Variants in SPON1 observed in about 807,000 individuals in gnomAD.
SPON1 encodes the protein spondin-1.
A neutral mutation model predicts 111.7 loss-of-function variants in SPON1; 52 were observed. That is an observed-to-expected ratio of 0.47 (90% CI 0.37 to 0.59). SPON1 has a LOEUF of 0.59. Ranked by LOEUF, SPON1 falls within the 20% of genes least tolerant of loss-of-function variation. The pLI is 0.00. For missense variants in SPON1, 957 were observed against 1,068.5 expected (o/e 0.90, Z 1.46); for synonymous variants, 410 against 395.8 (o/e 1.04, Z -0.43).
chr11:14,161,221 A>ATATATTTATATATTTATATATATC (rs1564920154), intron 6 of SPON1, among the ~76,000 whole-genome samples: 1 of 75,714 alleles, frequency 1.3e-5, no homozygotes, highest in African/African-American at 5.1e-5. Flanking sequence ...ATATATATCT[A>ATATATTTATATATTTATATATATC]TATATATTTA....
intron 5 of SPON1, among the ~76,000 whole-genome samples, chr11:14,115,991 A>C (rs1849264106): frequency 6.6e-6 from 1 of 152,086 alleles, no homozygotes; most frequent in African/African-American, 2.4e-5. Context: ...TTTGATTTGT[A>C]CTTTTTTGAA....
At chr11:14,255,584 AT>A in intron 8 of SPON1, 62 bp from the exon 9 acceptor site, 1 of 1,536,766 alleles carries the variant, frequency 6.5e-7, no homozygotes, top group Non-Finnish European at 8.9e-7. Context: ...CATATAACAA[AT>A]GGCTTTTGTG....
At chr11:13,968,348 ATCT>A (rs1401645600) in intron 1 of SPON1, among the ~76,000 whole-genome samples, 1 of 152,136 alleles carries the variant, frequency 6.6e-6, no homozygotes, top group African/African-American at 2.4e-5. Flanking sequence ...GTTCCCTGAC[ATCT>A]TCTTGCACTC....
rs185855637 is a variant in SPON1, at chr11:14,212,605, A to G, written c.826-30727A>G. 5.1e-3 allele frequency among the ~76,000 whole-genome samples: 770 copies of G among 152,314 alleles called. 9 individuals carry two copies. Among genetic ancestry groups the G allele is most frequent in the African/African-American group, 0.018 (744 of 41,554 alleles). The stretch of plus-strand genomic sequence containing the variant: ...CATCATTTCCCTATAAATAGGGGTC[A>G]TATTACTTAGAGTATAGGATTGCTG... On this transcript the variant is annotated intron_variant, in intron 6 of 15. Coordinates refer to ENST00000576479, the MANE Select transcript of SPON1 (RefSeq NM_006108.4).
chr11:14,190,828 G>A (rs560213224), intron 6 of SPON1, among the ~76,000 whole-genome samples: 2 of 151,502 alleles, frequency 1.3e-5, no homozygotes, highest in Non-Finnish European at 2.9e-5. Flanking sequence ...TTTAGTAGAG[G>A]TGGGGTTTCA....
At chr11:14,148,381 G>A (rs1397389299) in intron 6 of SPON1, among the ~76,000 whole-genome samples, 2 of 152,090 alleles carry the variant, frequency 1.3e-5, no homozygotes, top group African/African-American at 4.8e-5. Flanking sequence ...AACGAAGAGA[G>A]GGACCTTTCA....
At chr11:14,187,756 A>C (rs1398997808) in intron 6 of SPON1, among the ~76,000 whole-genome samples, 3 of 151,340 alleles carry the variant, frequency 2.0e-5, no homozygotes, top group East Asian at 2.0e-4. Flanking sequence ...CTGAGATTAC[A>C]GGAGTGTGCC....
intron 5 of SPON1, among the ~76,000 whole-genome samples, chr11:14,089,584 G>A (rs1554923053): frequency 6.6e-6 from 1 of 152,222 alleles, no homozygotes. Context: ...CTGCTGGGAG[G>A]TCTCTCCCCG....
intron 5 of SPON1, among the ~76,000 whole-genome samples, chr11:14,093,766 T>C (rs1849077371): frequency 6.6e-6 from 1 of 152,242 alleles, no homozygotes. Context: ...GTACAGAGTA[T>C]GTATATCACA....
chr11:13,988,182 T>A (rs1206501934), intron 2 of SPON1, among the ~76,000 whole-genome samples: 3 of 152,244 alleles, frequency 2.0e-5, no homozygotes, highest in Non-Finnish European at 2.9e-5. Flanking sequence ...TTCCTATCCA[T>A]GAGCATGGAA....
chr11:14,185,635 A>G (rs576464483), intron 6 of SPON1, among the ~76,000 whole-genome samples: 4 of 152,378 alleles, frequency 2.6e-5, no homozygotes, highest in African/African-American at 9.6e-5. Context: ...TGCAGAGTAA[A>G]GTTGGGTTAA....
chr11:14,171,481 CT>C (rs1258049729), intron 6 of SPON1, among the ~76,000 whole-genome samples: 3 of 152,248 alleles, frequency 2.0e-5, no homozygotes, highest in African/African-American at 7.2e-5. Context: ...TTTTTTATGT[CT>C]CTATTTCCTT....
At chr11:14,129,141 T>C (rs1437797705) in intron 5 of SPON1, among the ~76,000 whole-genome samples, 1 of 152,224 alleles carries the variant, frequency 6.6e-6, no homozygotes, top group East Asian at 1.9e-4. Context: ...TTTTTACTTA[T>C]GCAAATTTCT....
chr11:14,047,158 C>T (rs1406340399), intron 3 of SPON1, among the ~76,000 whole-genome samples: 1 of 151,762 alleles, frequency 6.6e-6, no homozygotes, highest in Non-Finnish European at 1.5e-5. Context: ...ATATATATAC[C>T]TTTTGTTTCT....
At chr11:14,006,387 A>C (rs1380223265) in intron 2 of SPON1, among the ~76,000 whole-genome samples, 2 of 152,194 alleles carry the variant, frequency 1.3e-5, no homozygotes, top group Non-Finnish European at 2.9e-5. Flanking sequence ...GAGAGCTCTC[A>C]TCAATATGGA....
chr11:13,993,323 T>C (rs1591343623), intron 2 of SPON1, among the ~76,000 whole-genome samples: 2 of 151,824 alleles, frequency 1.3e-5, no homozygotes, highest in African/African-American at 2.4e-5. Flanking sequence ...CACAACAGCA[T>C]TGGCACACAC....
intron 6 of SPON1, among the ~76,000 whole-genome samples, chr11:14,196,274 C>T (rs187999963): frequency 3.5e-4 from 54 of 152,184 alleles, no homozygotes; most frequent in Middle Eastern, 3.4e-3. Context: ...GAGAAATCTA[C>T]AGAAACAGAA....
At chr11:14,187,354 A>G (rs1848295950) in intron 6 of SPON1, among the ~76,000 whole-genome samples, 1 of 152,142 alleles carries the variant, frequency 6.6e-6, no homozygotes, top group South Asian at 2.1e-4. Flanking sequence ...GTGAGATTTG[A>G]ACCCCAACCT....
At chr11:14,184,525 G>A (rs186027190) in intron 6 of SPON1, among the ~76,000 whole-genome samples, 53 of 152,334 alleles carry the variant, frequency 3.5e-4, no homozygotes, top group Middle Eastern at 3.4e-3. Flanking sequence ...TCCTCTCAGA[G>A]GGCCAGCCTG....
Sources: allele counts gnomAD v4.1 joint callset (sites outside exome capture counted in the v4.1 genomes callset), GRCh38; gene constraint gnomAD v4.1.1; transcripts MANE v1.5; gene names NCBI Gene and HGNC (gene_info 2026-07-23, HGNC 2026-07-21).